Variants in KLHL5 observed in about 807,000 individuals in gnomAD.
KLHL5 encodes the protein kelch like family member 5, also known as kelch-like protein 5.
KLHL5 carries 48 observed loss-of-function variants against 77.7 expected under a neutral mutation model. The ratio of observed to expected loss-of-function variants is 0.62; its 90% CI spans 0.49 to 0.79. The LOEUF (loss-of-function observed/expected upper bound fraction) is 0.79. KLHL5 is among the 30% of genes least tolerant of loss of function. KLHL5 has a pLI of 0.00. For synonymous variants in KLHL5, 260 were observed against 297.0 expected (o/e 0.88, Z 1.28); for missense variants, 723 against 859.7 (o/e 0.84, Z 1.99).
At position 39,108,948 on chromosome 4, in the gene KLHL5, T is replaced by TCTTA. The variant is rs150898004; in HGVS notation, c.1688+1227_1688+1230dup. 3.1e-3 allele frequency among the ~76,000 whole-genome samples: 466 copies of TCTTA among 152,324 alleles called. 4 individuals are homozygous for TCTTA. Among genetic ancestry groups the TCTTA allele is most frequent in the African/African-American group, 0.011 (439 of 41,576 alleles). ...GCTTAGATTTCTAGGCATAGAAACA[T>TCTTA]CTTACTTACTTACCTTTTCTTGCCC... On this transcript the variant is annotated intron_variant, in intron 8 of 10. Coordinates refer to ENST00000504108, the MANE Select transcript of KLHL5 (RefSeq NM_015990.5).
chr4:39,049,667 C>G (rs1422065602), intron 1 of KLHL5, among the ~76,000 whole-genome samples: 4 of 151,036 alleles, frequency 2.6e-5, no homozygotes, highest in Admixed American at 2.6e-4. Flanking sequence ...CCACTGCCCT[C>G]CAACCTACGG....
intron 10 of KLHL5, among the ~76,000 whole-genome samples, chr4:39,118,275 G>T (rs1196833441): frequency 6.6e-6 from 1 of 151,924 alleles, no homozygotes; most frequent in Non-Finnish European, 1.5e-5. Context: ...TGACACAGAA[G>T]TTAAACAGCT....
intron 1 of KLHL5, among the ~76,000 whole-genome samples, chr4:39,049,202 T>C (rs1199382584): frequency 6.6e-6 from 1 of 152,146 alleles, no homozygotes; most frequent in Admixed American, 6.5e-5. Flanking sequence ...ATTTAGAAAA[T>C]AGAAAACAGC....
In KLHL5 at chr4:39,113,086, T is replaced by C; in HGVS notation, c.1755T>C (p.His585=). Reference sequence around the variant, plus strand: ...AATCAGTAGAATGTTTTGATCCTCATACTAATAAGTGGACACTGTGTGCAC... The same window carrying C: ...AATCAGTAGAATGTTTTGATCCTCACACTAATAAGTGGACACTGTGTGCAC... ...CLKSVECFDP[H]TNKWTLCAQM... The change falls in exon 9 of 11, where the codon CAT becomes CAC. Residue 585 remains histidine (H), a synonymous_variant. Coordinates refer to ENST00000504108, the MANE Select transcript of KLHL5 (RefSeq NM_015990.5). The C allele has an allele frequency of 1.2e-6, 2 of 1,614,096 alleles. No homozygotes were observed. The highest frequency in any genetic ancestry group is 8.5e-7 in the Non-Finnish European group (1 of 1,179,976).
chr4:39,097,869 G>T (rs1221847316), intron 6 of KLHL5, among the ~76,000 whole-genome samples: 1 of 152,182 alleles, frequency 6.6e-6, no homozygotes, highest in South Asian at 2.1e-4. Flanking sequence ...TGTGGCTCAC[G>T]CCTGTAATCT....
At position 39,070,743 on chromosome 4, in the gene KLHL5, C is replaced by T. The variant is rs114231526; in HGVS notation, c.384-5222C>T. Among the ~76,000 whole-genome samples the T allele has an allele frequency of 2.3e-3, 347 of 152,254 alleles. 2 individuals carry two copies. Among genetic ancestry groups the T allele is most frequent in the African/African-American group, 8.0e-3 (334 of 41,554 alleles). ...TTCTGGCACTATCCCAGGGGAAAAA[C>T]GCCCTATAAATTTCCAAATCAAAAT... On this transcript the variant is annotated intron_variant, in intron 1 of 10. Transcript: ENST00000504108.
At chr4:39,051,949 A>C (rs1159810679) in intron 1 of KLHL5, among the ~76,000 whole-genome samples, 1 of 152,180 alleles carries the variant, frequency 6.6e-6, no homozygotes, top group Non-Finnish European at 1.5e-5. Context: ...ACCTAATAAC[A>C]GTTGAGGTAC....
chr4:39,112,749 G>T, intron 8 of KLHL5: 1 of 392,270 alleles, frequency 2.5e-6, no homozygotes, highest in Non-Finnish European at 4.7e-6. Flanking sequence ...TACAACCAAT[G>T]GTGACTTGTC....
intron 5 of KLHL5, among the ~76,000 whole-genome samples, chr4:39,089,003 A>G (rs2566147): frequency 0.24 from 35,758 of 152,048 alleles, 4,664 homozygotes; most frequent in African/African-American, 0.35. Context: ...GCAATGAGGA[A>G]GCACTAAAGG....
At chr4:39,047,110 A>C (rs536375703) in intron 1 of KLHL5, among the ~76,000 whole-genome samples, 11 of 152,286 alleles carry the variant, frequency 7.2e-5, no homozygotes, top group Admixed American at 3.3e-4. Flanking sequence ...ATTGAGGACC[A>C]CTGAACCTAG....
the KLHL5 span, among the ~76,000 whole-genome samples, chr4:39,142,044 G>A: frequency 5.3e-5 from 8 of 152,202 alleles, no homozygotes; most frequent in African/African-American, 1.9e-4. Context: ...CCACCATTCT[G>A]TTATGTTTAG....
At chr4:39,127,251 A>T (rs1414013681), downstream of KLHL5, among the ~76,000 whole-genome samples, 2 of 151,770 alleles carry the variant, frequency 1.3e-5, no homozygotes, top group Non-Finnish European at 2.9e-5. Flanking sequence ...AGCCCAGGAG[A>T]CGGAGGTTGC....
At chr4:39,135,896 C>A in the KLHL5 span, among the ~76,000 whole-genome samples, 1 of 151,950 alleles carries the variant, frequency 6.6e-6, no homozygotes. Context: ...AAGAGCAAAA[C>A]TCCATCTCAA....
chr4:39,082,198 A>G, intron 4 of KLHL5, 39 bp downstream of exon 4: 1 of 1,464,658 alleles, frequency 6.8e-7, no homozygotes, highest in Non-Finnish European at 9.3e-7. Flanking sequence ...GATCCTCCAT[A>G]TGCATATTTC....
At chr4:39,100,223 C>A (rs1721424733) in intron 6 of KLHL5, among the ~76,000 whole-genome samples, 2 of 152,188 alleles carry the variant, frequency 1.3e-5, no homozygotes, top group African/African-American at 4.8e-5. Flanking sequence ...CTCATACATA[C>A]AGTGGAAAAC....
intron 1 of KLHL5, among the ~76,000 whole-genome samples, chr4:39,066,242 A>G (rs778803346): frequency 6.6e-6 from 1 of 152,214 alleles, no homozygotes; most frequent in Non-Finnish European, 1.5e-5. Context: ...TGTGAGCAAT[A>G]GGATCCTAAG....
the KLHL5 span, chr4:39,135,532 C>G: frequency 6.6e-6 from 1 of 152,112 alleles, no homozygotes; most frequent in South Asian, 2.1e-4. Flanking sequence ...TGCAGACTGG[C>G]GAAGGAGAAA....
rs913222512 is a variant in KLHL5 at position 39,122,729 on chromosome 4, C to A, written c.*1663C>A. On this transcript the variant is annotated 3_prime_UTR_variant, in exon 11 of 11. Coordinates refer to ENST00000504108, the MANE Select transcript of KLHL5 (RefSeq NM_015990.5). ...TCGGGAGGCTGAGGCGGGAGAATGG[C>A]GTGAACCCAGGAGGAGGAGCTTGCA... is the stretch of plus-strand genomic sequence containing the variant. Among the ~76,000 whole-genome samples the A allele has an allele frequency of 6.6e-6, 1 of 151,984 alleles. No homozygotes were observed. Among genetic ancestry groups the A allele is most frequent in the African/African-American group, 2.4e-5 (1 of 41,364 alleles).
intron 5 of KLHL5, among the ~76,000 whole-genome samples, 198 bp from the exon 6 acceptor site, chr4:39,096,494 T>G (rs771416238): frequency 3.3e-5 from 5 of 152,226 alleles, no homozygotes; most frequent in African/African-American, 4.8e-5. Flanking sequence ...GTATACCATT[T>G]ATGCTACTTG....
Sources: allele counts gnomAD v4.1 joint callset (sites outside exome capture counted in the v4.1 genomes callset), GRCh38; gene constraint gnomAD v4.1.1; transcripts MANE v1.5; gene names NCBI Gene and HGNC (gene_info 2026-07-23, HGNC 2026-07-21).